The following BCAS3 variants were observed in gnomAD, a reference collection of about 807,000 sequenced individuals.
BCAS3 encodes BCAS3 microtubule associated cell migration factor.
In BCAS3, 53 loss-of-function variants were observed where a neutral mutation model predicts 116.1. The observed-to-expected ratio is 0.46, with a 90% CI of 0.37 to 0.57. The LOEUF is 0.57. Ranked by LOEUF, BCAS3 falls within the 20% of genes least tolerant of loss-of-function variation. The pLI is 0.00. For synonymous variants in BCAS3, 391 were observed against 408.2 expected (o/e 0.96, Z 0.51); for missense variants, 917 against 1,165.4 (o/e 0.79, Z 3.10).
Position 60,901,056 on chromosome 17 carries a change from C to CA in BCAS3, c.739-1556dup, listed in dbSNP as rs763910975. 1.6e-3 allele frequency among the ~76,000 whole-genome samples: 238 copies of CA among 151,432 alleles called. 1 individual carries two copies. The highest frequency in any genetic ancestry group is 2.1e-3 in the Non-Finnish European group (140 of 67,768). On this transcript the variant is annotated intron_variant, in intron 10 of 23. Transcript: ENST00000407086. ...AAACCTCGTCTCTACTAAAAATAAACAAAAAAAATCCAGGCGTGGTGGCAT... is the reference window on the plus strand; with the variant it reads ...AAACCTCGTCTCTACTAAAAATAAACAAAAAAAAATCCAGGCGTGGTGGCAT...
At chr17:60,851,016 A>G (rs1182282099) in intron 7 of BCAS3, among the ~76,000 whole-genome samples, 1 of 152,226 alleles carries the variant, frequency 6.6e-6, no homozygotes. Flanking sequence ...AATCTAGGTG[A>G]CCTTGAGTTT....
chr17:61,360,782 T>C (rs1054460551), intron 22 of BCAS3, among the ~76,000 whole-genome samples: 2 of 152,222 alleles, frequency 1.3e-5, no homozygotes, highest in African/African-American at 4.8e-5. Flanking sequence ...GACATATCTT[T>C]TGGGTGGCGT....
intron 22 of BCAS3, among the ~76,000 whole-genome samples, chr17:61,260,002 C>T (rs917153245): frequency 6.6e-6 from 1 of 152,210 alleles, no homozygotes; most frequent in East Asian, 1.9e-4. Context: ...ATCCTCACAA[C>T]AGTCCTTTAA....
intron 5 of BCAS3, among the ~76,000 whole-genome samples, chr17:60,737,948 G>A (rs1367758093): frequency 6.6e-6 from 1 of 151,820 alleles, no homozygotes; most frequent in Admixed American, 6.6e-5. Flanking sequence ...CACCACACCC[G>A]GCTACTTTTT....
At position 60,834,993 on chromosome 17, in the gene BCAS3, A is replaced by G. The variant is rs941322536; in HGVS notation, c.476+26917A>G. 5.5e-5 allele frequency among the ~76,000 whole-genome samples: 8 copies of G among 146,172 alleles called. No individual in the cohort carries two copies. The East Asian group carries it at 1.3e-3, about 25-fold the overall frequency. On this transcript the variant is annotated intron_variant, in intron 7 of 23. Coordinates refer to ENST00000407086, the MANE Select transcript of BCAS3 (RefSeq NM_017679.5). Reference sequence around the variant, plus strand: ...AGGGAACTTTATGATGTATTTCTTTATCATTAACTAAAATTTTAATGTTTA... The same window carrying G: ...AGGGAACTTTATGATGTATTTCTTTGTCATTAACTAAAATTTTAATGTTTA...
chr17:60,761,396 T>G (rs1403437890), intron 6 of BCAS3, among the ~76,000 whole-genome samples: 1 of 150,272 alleles, frequency 6.7e-6, no homozygotes, highest in East Asian at 1.9e-4. Context: ...CGGTGTATGC[T>G]GTTCCCTGCC....
At chr17:60,850,682 C>T (rs1170125354) in intron 7 of BCAS3, among the ~76,000 whole-genome samples, 1 of 152,056 alleles carries the variant, frequency 6.6e-6, no homozygotes, top group Non-Finnish European at 1.5e-5. Context: ...TTCTGACAAG[C>T]TTCTTTTACT....
intron 19 of BCAS3, among the ~76,000 whole-genome samples, chr17:61,052,236 T>C (rs1322494842): frequency 6.6e-6 from 1 of 152,150 alleles, no homozygotes; most frequent in African/African-American, 2.4e-5. Flanking sequence ...TAAGATTTTC[T>C]TATTCTTATT....
chr17:61,195,230 A>C lies in BCAS3; in HGVS notation c.2425+110666A>C, dbSNP rs567053746. ...GATACAGTATGTGAAAGCTGTAAAA[A>C]TTGGCTGTTCATTCTCTTCTCATTT... On this transcript the variant is annotated intron_variant, in intron 22 of 23. Transcript: ENST00000407086. Among the ~76,000 whole-genome samples the C allele has an allele frequency of 2.6e-5, 4 of 152,358 alleles. No individual in the cohort carries two copies. In the East Asian group the frequency reaches 7.7e-4, roughly 29 times the overall value.
chr17:61,215,218 A>C lies in BCAS3; in HGVS notation c.2425+130654A>C, dbSNP rs1054013855. Reference sequence around the variant, plus strand: ...TTAACTCTTTTTAGAGAGGAGAACAAATCTCTTTTGAAATTCATTTGTTAA... The same window carrying C: ...TTAACTCTTTTTAGAGAGGAGAACACATCTCTTTTGAAATTCATTTGTTAA... On this transcript the variant is annotated intron_variant, in intron 22 of 23. Coordinates refer to ENST00000407086, the MANE Select transcript of BCAS3 (RefSeq NM_017679.5). The surrounding 1 kb of genome is among the most constrained non-coding windows in gnomAD (Gnocchi z 4.8). Among the ~76,000 whole-genome samples, 1 of 152,348 alleles carries C rather than the reference A, an allele frequency of 6.6e-6. No individual in the cohort carries two copies.
At chr17:60,814,303 G>A (rs2049136467) in intron 7 of BCAS3, among the ~76,000 whole-genome samples, 1 of 135,752 alleles carries the variant, frequency 7.4e-6, no homozygotes, top group African/African-American at 3.3e-5. Flanking sequence ...GTGTGTGTGT[G>A]TGTGCGCGCG....
Position 61,278,816 on chromosome 17 carries a change from G to C in BCAS3, c.2426-89511G>C, listed in dbSNP as rs2050992895. 6.6e-6 allele frequency among the ~76,000 whole-genome samples: 1 copy of C among 152,162 alleles called. No homozygotes were observed. ...GATTAGTAGTGGTTTCCTAGGACTT[G>C]GGGATATGGGGAGATTGGGAGGTAG... On this transcript the variant is annotated intron_variant, in intron 22 of 23. Coordinates refer to ENST00000407086, the MANE Select transcript of BCAS3 (RefSeq NM_017679.5). This position sits in a 1 kb window ranked among gnomAD's most constrained non-coding sequence, Gnocchi z 5.8.
chr17:61,192,765 A>G (rs185207969), intron 22 of BCAS3, among the ~76,000 whole-genome samples: 9 of 152,330 alleles, frequency 5.9e-5, no homozygotes, highest in Admixed American at 5.9e-4. Flanking sequence ...GATATGTAAG[A>G]TTCAGAATTA....
chr17:61,066,469 G>T lies in BCAS3; in HGVS notation c.2030-8451G>T, dbSNP rs547719961. Among the ~76,000 whole-genome samples, 7 of 152,228 alleles carry T rather than the reference G, an allele frequency of 4.6e-5. 1 individual carries two copies. In the East Asian group the frequency reaches 1.3e-3, roughly 29 times the overall value. On this transcript the variant is annotated intron_variant, in intron 19 of 23. Transcript: ENST00000407086. ...TTTAAATGAAATGGTACTGGATACA[G>T]ATATTTTTATTTTTATTCTTGCTTT... is the stretch of plus-strand genomic sequence containing the variant.
chr17:60,843,146 A>T (rs2052132483), intron 7 of BCAS3, among the ~76,000 whole-genome samples: 1 of 151,252 alleles, frequency 6.6e-6, no homozygotes, highest in South Asian at 2.1e-4. Context: ...TATATTTTTA[A>T]AAATTGGCTA....
rs58524713 is a variant in BCAS3 at position 61,373,729 on chromosome 17, G to GCC, written c.2593+5238_2593+5239dup. On this transcript the variant is annotated intron_variant, in intron 23 of 23. Coordinates refer to ENST00000407086, the MANE Select transcript of BCAS3 (RefSeq NM_017679.5). ...TTACAGGCATGAACCACGATGCCCAGCCCCTGTTTAAAGTATTCTTGATGC... is the reference window on the plus strand; with the variant it reads ...TTACAGGCATGAACCACGATGCCCAGCCCCCCTGTTTAAAGTATTCTTGATGC... 7.9e-3 allele frequency among the ~76,000 whole-genome samples: 1,125 copies of GCC among 142,092 alleles called. 23 individuals are homozygous for GCC. The highest frequency in any genetic ancestry group is 0.027 in the African/African-American group (1,055 of 39,524). 93.2% of individuals were successfully genotyped at this position (142,092 alleles called of 152,430 possible).
At position 61,037,829 on chromosome 17, in the gene BCAS3, A is replaced by G. The variant is rs2067161597; in HGVS notation, c.1763-60A>G. On this transcript the variant is annotated intron_variant, in intron 17 of 23. Coordinates refer to ENST00000407086, the MANE Select transcript of BCAS3 (RefSeq NM_017679.5). This position sits in a 1 kb window ranked among gnomAD's most constrained non-coding sequence, Gnocchi z 4.7. Reference sequence around the variant, plus strand: ...CTAATAAGATCATTAACTTGTAAAAATTATTCTGTGCTCCATTTATGCCAT... The same window carrying G: ...CTAATAAGATCATTAACTTGTAAAAGTTATTCTGTGCTCCATTTATGCCAT... 1 of 1,448,486 alleles carries G rather than the reference A, an allele frequency of 6.9e-7. No individual in the cohort carries two copies. The highest frequency in any genetic ancestry group is 9.5e-7 in the Non-Finnish European group (1 of 1,057,510). The allele number at this position is 1,448,486 out of a possible 1,614,324, so 89.7% of individuals were successfully genotyped here.
chr17:61,392,314 C>T lies in BCAS3; in HGVS notation c.*189C>T, dbSNP rs1229746406. The T allele has an allele frequency of 4.6e-6, 3 of 648,496 alleles. No individual in the cohort carries two copies. The Admixed American group carries it at 9.4e-5, about 20-fold the overall frequency. 40.2% of individuals were successfully genotyped at this position (648,496 alleles called of 1,614,324 possible). ...TTCTCCAAGCACCTCAGCGCACTTGCCCTCTGCCACACCTGTCGGTGGAGG... is the reference window on the plus strand; with the variant it reads ...TTCTCCAAGCACCTCAGCGCACTTGTCCTCTGCCACACCTGTCGGTGGAGG... On this transcript the variant is annotated 3_prime_UTR_variant, in exon 24 of 24. Transcript: ENST00000407086. This position sits in a 1 kb window ranked among gnomAD's most constrained non-coding sequence, Gnocchi z 6.4.
At position 61,219,045 on chromosome 17, in the gene BCAS3, T is replaced by A. The variant is rs1034946230; in HGVS notation, c.2425+134481T>A. On this transcript the variant is annotated intron_variant, in intron 22 of 23. Transcript: ENST00000407086. This position sits in a 1 kb window ranked among gnomAD's most constrained non-coding sequence, Gnocchi z 5.2. ...GTGATCTCCCTCCTCATTTTCTGTT[T>A]GCTGATAAAGGATGGCTCTCTAGAA... Among the ~76,000 whole-genome samples the A allele has an allele frequency of 6.6e-6, 1 of 152,230 alleles. No homozygotes were observed. Among genetic ancestry groups the A allele is most frequent in the Non-Finnish European group, 1.5e-5 (1 of 68,038 alleles).
Sources: allele counts gnomAD v4.1 joint callset (sites outside exome capture counted in the v4.1 genomes callset), GRCh38; gene constraint gnomAD v4.1.1; non-coding constraint Gnocchi (gnomAD v3.1); transcripts MANE v1.5; gene names NCBI Gene and HGNC (gene_info 2026-07-23, HGNC 2026-07-21).